The following CHRM3 variants were observed in gnomAD, a reference collection of about 807,000 sequenced individuals.
CHRM3 encodes cholinergic receptor muscarinic 3.
In CHRM3, 11 loss-of-function variants were observed where a neutral mutation model predicts 41.8. That is an observed-to-expected ratio of 0.26 (90% CI 0.17 to 0.44). CHRM3 has a LOEUF of 0.44. Among genes scored for constraint, CHRM3 ranks in the 20% least tolerant of loss-of-function variants. The pLI is 1.00. For missense variants in CHRM3, 571 were observed against 745.4 expected (o/e 0.77, Z 2.72); for synonymous variants, 297 against 301.4 (o/e 0.99, Z 0.15).
At chr1:239,900,510 C>A (rs1679453061) in intron 6 of CHRM3, among the ~76,000 whole-genome samples, 1 of 151,716 alleles carries the variant, frequency 6.6e-6, no homozygotes, top group African/African-American at 2.4e-5. Context: ...GGCCCCAAGG[C>A]CTCGGAGAAG....
intron 3 of CHRM3, among the ~76,000 whole-genome samples, chr1:239,613,129 A>G (rs922968089): frequency 3.3e-5 from 5 of 152,202 alleles, no homozygotes; most frequent in African/African-American, 9.6e-5. Flanking sequence ...ATCATTTTCC[A>G]TATGGCTCTC....
At chr1:239,403,357 A>C (rs1039159294) in intron 1 of CHRM3, among the ~76,000 whole-genome samples, 1 of 152,170 alleles carries the variant, frequency 6.6e-6, no homozygotes, top group Non-Finnish European at 1.5e-5. Context: ...GTTCCTTGTT[A>C]CTGTTCCCTT....
chr1:239,914,258 T>G lies in CHRM3; in HGVS notation c.*5034T>G, dbSNP rs1680526862. 6.0e-6 allele frequency: 1 copy of G among 167,102 alleles called. No individual in the cohort carries two copies. Among genetic ancestry groups the G allele is most frequent in the African/African-American group, 2.4e-5 (1 of 41,454 alleles). The allele number at this position is 167,102 out of a possible 1,614,324, so 10.4% of individuals were successfully genotyped here. A position where few individuals can be genotyped will look rare whatever the true frequency, so the allele number is the denominator to read the frequency against. The stretch of plus-strand genomic sequence containing the variant: ...CTGTGAGTTCCTTGATGATAGTAAT[T>G]GGGTCTTATTCATCACTCTGTATCC... On this transcript the variant is annotated 3_prime_UTR_variant, in exon 7 of 7. Coordinates refer to ENST00000676153, the MANE Select transcript of CHRM3 (RefSeq NM_001375978.1).
chr1:239,622,550 G>A (rs61836586), intron 3 of CHRM3, among the ~76,000 whole-genome samples: 37,406 of 152,016 alleles, frequency 0.25, 4,920 homozygotes, highest in South Asian at 0.26. Context: ...TCAAGACTTC[G>A]ATGAAGAAAG....
intron 5 of CHRM3, among the ~76,000 whole-genome samples, chr1:239,728,240 C>G (rs1663630056): frequency 6.6e-6 from 1 of 151,966 alleles, no homozygotes; most frequent in South Asian, 2.1e-4. Context: ...CTGACAGAAG[C>G]TGAATTTAAC....
chr1:239,590,029 T>C (rs909715151), intron 3 of CHRM3, among the ~76,000 whole-genome samples: 4 of 152,124 alleles, frequency 2.6e-5, no homozygotes, highest in African/African-American at 9.7e-5. Context: ...CTCTCTGAAG[T>C]GTATTATAAT....
At chr1:239,494,175 G>C (rs1667734023) in intron 2 of CHRM3, among the ~76,000 whole-genome samples, 1 of 152,152 alleles carries the variant, frequency 6.6e-6, no homozygotes, top group Admixed American at 6.6e-5. Flanking sequence ...CTGTGGAATG[G>C]GGTGATAACT....
intron 3 of CHRM3, chr1:239,629,232 A>T (rs1344212371): frequency 2.1e-5 from 3 of 142,614 alleles, no homozygotes; most frequent in Non-Finnish European, 4.5e-5. Flanking sequence ...TGGTCTGAAA[A>T]GCGCAATATT....
chr1:239,874,479 A>G (rs1676947391), intron 6 of CHRM3, among the ~76,000 whole-genome samples: 1 of 151,224 alleles, frequency 6.6e-6, no homozygotes, highest in Non-Finnish European at 1.5e-5. Context: ...CACAGGTTCC[A>G]TGGGGCCAAC....
chr1:239,887,018 A>G (rs1678129978), intron 6 of CHRM3, among the ~76,000 whole-genome samples: 1 of 152,162 alleles, frequency 6.6e-6, no homozygotes, highest in African/African-American at 2.4e-5. Context: ...TTCCTTAAAC[A>G]ACTGCTTGTG....
intron 2 of CHRM3, among the ~76,000 whole-genome samples, chr1:239,504,271 A>G (rs908042674): frequency 5.9e-5 from 9 of 152,200 alleles, no homozygotes; most frequent in Non-Finnish European, 8.8e-5. Flanking sequence ...TGCATAGGCA[A>G]TTCTCAAAAC....
chr1:239,886,895 T>G (rs950381228), intron 6 of CHRM3, among the ~76,000 whole-genome samples: 1 of 152,156 alleles, frequency 6.6e-6, no homozygotes, highest in East Asian at 1.9e-4. Context: ...TGATATGTGA[T>G]TTTATCAAAG....
chr1:239,412,665 T>C (rs1323361131), intron 1 of CHRM3, among the ~76,000 whole-genome samples: 1 of 152,014 alleles, frequency 6.6e-6, no homozygotes, highest in Non-Finnish European at 1.5e-5. Context: ...TTTTTTGCTG[T>C]GAATATTTTT....
intron 4 of CHRM3, among the ~76,000 whole-genome samples, chr1:239,635,010 T>C (rs917659033): frequency 6.6e-6 from 1 of 152,238 alleles, no homozygotes. Context: ...TACTCTGATA[T>C]CTATTCAAAG....
intron 1 of CHRM3, among the ~76,000 whole-genome samples, chr1:239,438,007 T>C (rs6676664): frequency 0.12 from 18,716 of 152,162 alleles, 1,641 homozygotes; most frequent in African/African-American, 0.25. Flanking sequence ...AGGGATCACA[T>C]GGTGAAGGTC....
At chr1:239,869,432 A>T (rs1676389714) in intron 6 of CHRM3, among the ~76,000 whole-genome samples, 1 of 152,204 alleles carries the variant, frequency 6.6e-6, no homozygotes, top group South Asian at 2.1e-4. Context: ...CTTGGAACAT[A>T]GTAGTCAGGC....
At chr1:239,739,365 T>C (rs754067566) in intron 5 of CHRM3, among the ~76,000 whole-genome samples, 1 of 152,128 alleles carries the variant, frequency 6.6e-6, no homozygotes, top group Non-Finnish European at 1.5e-5. Context: ...AATCCAAAAG[T>C]ATTTCTTTTC....
At chr1:239,780,039 A>G (rs1223346026) in intron 5 of CHRM3, among the ~76,000 whole-genome samples, 2 of 152,250 alleles carry the variant, frequency 1.3e-5, no homozygotes, top group Non-Finnish European at 2.9e-5. Flanking sequence ...ACTGGAGGAC[A>G]TCTTGGTTGC....
intron 6 of CHRM3, among the ~76,000 whole-genome samples, chr1:239,893,324 C>G (rs111969140): frequency 6.6e-6 from 1 of 152,150 alleles, no homozygotes; most frequent in Non-Finnish European, 1.5e-5. Context: ...ATGAGAGAGG[C>G]AAGGGCAAGA....
Sources: gnomAD v4.1 joint callset for allele counts (sites outside exome capture counted in the v4.1 genomes callset) on GRCh38, gnomAD v4.1.1 for gene constraint, MANE v1.5 for transcripts, NCBI Gene and HGNC (gene_info 2026-07-23, HGNC 2026-07-21) for gene names.